The following PDZRN4 variants were observed in gnomAD, a reference collection of about 807,000 sequenced individuals.
PDZRN4 encodes the protein PDZ domain containing ring finger 4.
Under a neutral mutation model 99.0 loss-of-function variants are expected in PDZRN4, and 70 were observed. The observed-to-expected ratio is 0.71, with a 90% confidence interval of 0.58 to 0.86. PDZRN4 has a LOEUF of 0.86. PDZRN4 is among the 40% of genes least tolerant of loss of function. The probability of loss-of-function intolerance (pLI) is 0.00; values close to 1 mark genes in which losing one functional copy is unlikely to be tolerated. For synonymous variants in PDZRN4, 551 were observed against 501.6 expected, an observed-to-expected ratio of 1.10 and a Z score of -1.32; for missense variants, 1,474 against 1,331.2, an observed-to-expected ratio of 1.11 and a Z score of -1.67.
At chr12:41,378,976 A>C (rs894249545) in intron 3 of PDZRN4, among the ~76,000 whole-genome samples, 2 of 152,160 alleles carry the variant, frequency 1.3e-5, no homozygotes, top group Non-Finnish European at 2.9e-5. Context: ...TCTATAGTCT[A>C]TCTGTTTTTC....
intron 3 of PDZRN4, among the ~76,000 whole-genome samples, chr12:41,309,714 C>T (rs1418134811): frequency 4.0e-5 from 6 of 151,738 alleles, no homozygotes; most frequent in South Asian, 4.2e-4. Context: ...AAAAGTTAAA[C>T]GATCCAATAG....
intron 3 of PDZRN4, among the ~76,000 whole-genome samples, chr12:41,217,015 G>A (rs2120713917): frequency 6.6e-6 from 1 of 152,092 alleles, no homozygotes; most frequent in Non-Finnish European, 1.5e-5. Flanking sequence ...AAAACAAATA[G>A]GTGGATTTCA....
chr12:41,414,960 G>T (rs1192187549), intron 3 of PDZRN4, among the ~76,000 whole-genome samples: 1 of 152,134 alleles, frequency 6.6e-6, no homozygotes, highest in Non-Finnish European at 1.5e-5. Flanking sequence ...ATGAAAGCTG[G>T]TGACTGAAAA....
At chr12:41,350,794 T>C (rs1345880531) in intron 3 of PDZRN4, among the ~76,000 whole-genome samples, 1 of 152,136 alleles carries the variant, frequency 6.6e-6, no homozygotes, top group African/African-American at 2.4e-5. Flanking sequence ...TTATATCCAC[T>C]TTATGAATCT....
intron 3 of PDZRN4, among the ~76,000 whole-genome samples, chr12:41,389,835 C>T (rs1459853464): frequency 6.6e-6 from 1 of 152,186 alleles, no homozygotes; most frequent in Non-Finnish European, 1.5e-5. Context: ...AGTGATCAGA[C>T]ATTTCCACTT....
intron 5 of PDZRN4, among the ~76,000 whole-genome samples, chr12:41,522,104 C>T (rs1938502714): frequency 6.6e-6 from 1 of 152,106 alleles, no homozygotes; most frequent in Non-Finnish European, 1.5e-5. Flanking sequence ...AAGACAGTTA[C>T]AAATCCTTTT....
chr12:41,364,204 A>T (rs2121064883), intron 3 of PDZRN4, among the ~76,000 whole-genome samples: 1 of 152,100 alleles, frequency 6.6e-6, no homozygotes, highest in African/African-American at 2.4e-5. Flanking sequence ...ATGTGTCATT[A>T]TTTTTTCTGG....
intron 3 of PDZRN4, among the ~76,000 whole-genome samples, chr12:41,305,964 T>TGTGAAACTAGTAAGTCATGTG (rs1405194135): frequency 1.3e-5 from 2 of 152,164 alleles, no homozygotes; most frequent in Admixed American, 1.3e-4. Flanking sequence ...GCTATAAACC[T>TGTGAAACTAGTAAGTCATGTG]GTGAAACTAG....
At chr12:41,384,452 A>T (rs1952151300) in intron 3 of PDZRN4, among the ~76,000 whole-genome samples, 1 of 152,190 alleles carries the variant, frequency 6.6e-6, no homozygotes, top group African/African-American at 2.4e-5. Flanking sequence ...AATATAGATC[A>T]AATTAATACT....
intron 3 of PDZRN4, among the ~76,000 whole-genome samples, chr12:41,233,300 G>T (rs1951041654): frequency 6.6e-6 from 1 of 152,142 alleles, no homozygotes; most frequent in South Asian, 2.1e-4. Flanking sequence ...AGGTGCTGGA[G>T]AGGATGTGGA....
At chr12:41,466,294 A>G (rs926409429) in intron 3 of PDZRN4, among the ~76,000 whole-genome samples, 1 of 152,180 alleles carries the variant, frequency 6.6e-6, no homozygotes, top group African/African-American at 2.4e-5. Context: ...TCCCTGTTAT[A>G]TTAAGGCAAT....
At chr12:41,196,101 TG>T (rs1019504702) in intron 3 of PDZRN4, among the ~76,000 whole-genome samples, 34 of 152,122 alleles carry the variant, frequency 2.2e-4, no homozygotes, top group African/African-American at 8.0e-4. Context: ...ACAAACCTAC[TG>T]TTTTTTTTAA....
At chr12:41,458,353 C>CA (rs1205122743) in intron 3 of PDZRN4, among the ~76,000 whole-genome samples, 1 of 152,154 alleles carries the variant, frequency 6.6e-6, no homozygotes, top group Non-Finnish European at 1.5e-5. Context: ...GACAGGGTTT[C>CA]ACCACATCGG....
At chr12:41,388,364 A>T (rs11180878) in intron 3 of PDZRN4, among the ~76,000 whole-genome samples, 55,769 of 151,076 alleles carry the variant, frequency 0.37, 10,746 homozygotes, top group South Asian at 0.49. Context: ...CTACACATGT[A>T]CCTCTGAGCT....
rs898206906 is a variant in PDZRN4 at position 41,445,825 on chromosome 12, A to G, written c.844-60631A>G. ...CTTAAAAAACTTCTTCTTGTGACTC[A>G]TGTGAATTTAGAGTAGCACTGGGTA... On this transcript the variant is annotated intron_variant, in intron 3 of 9. Coordinates refer to ENST00000402685, the MANE Select transcript of PDZRN4 (RefSeq NM_001164595.2). Among the ~76,000 whole-genome samples, 5 of 152,108 alleles carry G rather than the reference A, an allele frequency of 3.3e-5. No homozygotes were observed. In the East Asian group the frequency reaches 5.8e-4, roughly 18 times the overall value.
intron 3 of PDZRN4, among the ~76,000 whole-genome samples, chr12:41,364,524 G>T (rs1315738240): frequency 1.3e-5 from 2 of 152,082 alleles, no homozygotes; most frequent in Admixed American, 6.6e-5. Context: ...TTTGAAAGTA[G>T]ATTTATTAAG....
intron 9 of PDZRN4, among the ~76,000 whole-genome samples, chr12:41,569,212 T>C (rs1191132877): frequency 6.7e-6 from 1 of 149,978 alleles, no homozygotes; most frequent in South Asian, 2.1e-4. Flanking sequence ...CTCTGCCTCC[T>C]GGGCTCAAGC....
At chr12:41,502,753 G>A (rs765132873) in intron 3 of PDZRN4, among the ~76,000 whole-genome samples, 3 of 152,004 alleles carry the variant, frequency 2.0e-5, no homozygotes, top group Non-Finnish European at 4.4e-5. Context: ...TTAAGATTGA[G>A]ACAAAGGAGT....
chr12:41,339,298 C>T (rs925610508), intron 3 of PDZRN4, among the ~76,000 whole-genome samples: 5 of 151,980 alleles, frequency 3.3e-5, no homozygotes, highest in Non-Finnish European at 4.4e-5. Context: ...TCAGTTTTGA[C>T]GAAGTTGCCA....
Sources: gnomAD v4.1 joint callset for allele counts (sites outside exome capture counted in the v4.1 genomes callset) on GRCh38, gnomAD v4.1.1 for gene constraint, MANE v1.5 for transcripts, NCBI Gene and HGNC (gene_info 2026-07-23, HGNC 2026-07-21) for gene names.